The following AGBL1 variants were observed in gnomAD, a reference collection of about 807,000 sequenced individuals.
The protein encoded by AGBL1 is cytosolic carboxypeptidase 4.
Under a neutral mutation model 118.9 loss-of-function variants are expected in AGBL1, and 130 were observed. The observed-to-expected ratio is 1.09, with a 90% CI of 0.95 to 1.26. AGBL1 has a LOEUF of 1.26. Ranked by LOEUF, AGBL1 falls within the 50% of genes most tolerant of loss-of-function variation. The probability of loss-of-function intolerance (pLI) is 0.00; values close to 1 mark genes in which losing one functional copy is unlikely to be tolerated. For synonymous variants in AGBL1, 555 were observed against 478.9 expected (o/e 1.16, Z -2.08); for missense variants, 1,584 against 1,298.1 (o/e 1.22, Z -3.38).
rs540022257 is a variant in AGBL1 at position 86,460,701 on chromosome 15, A to G, written c.2556-62109A>G. ...AGTCAGAGATACTCTGCCAAGGCAAAGAAGATGAAGCTGGCAGAATTAATT... is the reference window on the plus strand; with the variant it reads ...AGTCAGAGATACTCTGCCAAGGCAAGGAAGATGAAGCTGGCAGAATTAATT... On this transcript the variant is annotated intron_variant, in intron 18 of 22. Coordinates refer to ENST00000614907, the MANE Select transcript of AGBL1 (RefSeq NM_001386094.1). Among the ~76,000 whole-genome samples, 39 of 152,302 alleles carry G rather than the reference A, an allele frequency of 2.6e-4. 1 individual carries two copies. The highest frequency in any genetic ancestry group is 2.1e-3 in the East Asian group (11 of 5,174).
intron 18 of AGBL1, among the ~76,000 whole-genome samples, chr15:86,465,093 A>G (rs2082386344): frequency 6.6e-6 from 1 of 152,022 alleles, no homozygotes; most frequent in African/African-American, 2.4e-5. Flanking sequence ...GAACGGAGGG[A>G]CCAGCTGAAG....
At chr15:86,824,846 T>A (rs1276672689) in intron 22 of AGBL1, among the ~76,000 whole-genome samples, 1 of 151,882 alleles carries the variant, frequency 6.6e-6, no homozygotes, top group African/African-American at 2.4e-5. Flanking sequence ...TCACTTGAGG[T>A]CAGGAGTTCA....
At chr15:86,419,564 G>GT (rs530557383) in intron 18 of AGBL1, among the ~76,000 whole-genome samples, 8,009 of 146,078 alleles carry the variant, frequency 0.055, 286 homozygotes, top group East Asian at 0.15. Context: ...AGCTGCAGGA[G>GT]TTTTTTTTTT....
Position 86,591,189 on chromosome 15 carries a change from C to A in AGBL1, c.2994+36652C>A, listed in dbSNP as rs138458269. 4.4e-3 allele frequency among the ~76,000 whole-genome samples: 665 copies of A among 152,148 alleles called. 13 individuals carry two copies. The highest frequency in any genetic ancestry group is 6.4e-3 in the South Asian group (31 of 4,814). ...ATTTTATGCATCTTTGGTAAGTGTA[C>A]CTCTGAGGAGAAAAAATACAAACTC... On this transcript the variant is annotated intron_variant, in intron 21 of 22. Coordinates refer to ENST00000614907, the MANE Select transcript of AGBL1 (RefSeq NM_001386094.1).
chr15:86,720,476 T>C (rs2086700957), intron 22 of AGBL1, among the ~76,000 whole-genome samples: 1 of 152,182 alleles, frequency 6.6e-6, no homozygotes, highest in Non-Finnish European at 1.5e-5. Flanking sequence ...CCATAGAACA[T>C]GTAGGGCCAC....
intron 22 of AGBL1, among the ~76,000 whole-genome samples, chr15:86,723,436 C>A (rs1406507536): frequency 1.6e-4 from 25 of 152,086 alleles, no homozygotes; most frequent in Admixed American, 1.2e-3. Flanking sequence ...GTTCTCACTC[C>A]TAGGTGGGAA....
At chr15:86,439,370 A>G (rs1358409112) in intron 18 of AGBL1, among the ~76,000 whole-genome samples, 2 of 152,136 alleles carry the variant, frequency 1.3e-5, no homozygotes, top group African/African-American at 2.4e-5. Flanking sequence ...TAGAGATGAC[A>G]TCTCGTTCAG....
intron 23 of AGBL1, among the ~76,000 whole-genome samples, chr15:86,946,912 A>ATGG (rs568433610): frequency 1.3e-5 from 2 of 151,314 alleles, no homozygotes; most frequent in Non-Finnish European, 2.9e-5. Flanking sequence ...GAGATGGGAG[A>ATGG]TGGGAATTGA....
intron 22 of AGBL1, among the ~76,000 whole-genome samples, chr15:86,723,266 CAAT>C (rs2086760150): frequency 1.3e-5 from 2 of 152,130 alleles, no homozygotes; most frequent in Non-Finnish European, 2.9e-5. Flanking sequence ...AATGTCCCAA[CAAT>C]GATAGACTGG....
intron 17 of AGBL1, among the ~76,000 whole-genome samples, chr15:86,393,687 AT>A (rs201429793): frequency 5.9e-5 from 9 of 151,614 alleles, no homozygotes; most frequent in African/African-American, 1.9e-4. Context: ...TCTTTCCAAC[AT>A]TTTTTTTTAG....
rs57223145 is a variant in AGBL1 at position 87,019,009 on chromosome 15, TA to T, written c.3324-9807del. On this transcript the variant is annotated intron_variant, in intron 24 of 24. Coordinates refer to the AGBL1 transcript ENST00000441037. Reference sequence around the variant, plus strand: ...AAAAGAGACTTTAAACCAACAAAGATAAAAAAAAAGACAAAGAAGGGCATTA... The same window carrying T: ...AAAAGAGACTTTAAACCAACAAAGATAAAAAAAAGACAAAGAAGGGCATTA... Among the ~76,000 whole-genome samples the T allele has an allele frequency of 2.1e-3, 320 of 150,210 alleles. 2 individuals carry two copies. Among genetic ancestry groups the T allele is most frequent in the Non-Finnish European group, 4.0e-3 (271 of 67,362 alleles).
chr15:86,274,478 G>A (rs938999613), intron 15 of AGBL1, among the ~76,000 whole-genome samples: 2 of 152,078 alleles, frequency 1.3e-5, no homozygotes, highest in Non-Finnish European at 2.9e-5. Context: ...TAGTTTGTGA[G>A]GTTTAGTTTA....
intron 1 of AGBL1, among the ~76,000 whole-genome samples, chr15:86,133,575 G>A (rs1240892440): frequency 1.3e-5 from 2 of 152,162 alleles, no homozygotes; most frequent in African/African-American, 2.4e-5. Flanking sequence ...GCAGTTCCTG[G>A]TACATAGCAA....
chr15:86,732,123 C>T (rs933223103), intron 22 of AGBL1, among the ~76,000 whole-genome samples: 15 of 152,156 alleles, frequency 9.9e-5, no homozygotes, highest in African/African-American at 2.9e-4. Flanking sequence ...CAAGAATTTG[C>T]GGACAGTAAA....
At chr15:86,122,822 A>G (rs1289054034) in intron 1 of AGBL1, among the ~76,000 whole-genome samples, 1 of 152,136 alleles carries the variant, frequency 6.6e-6, no homozygotes, top group African/African-American at 2.4e-5. Flanking sequence ...GGAGTTGAAC[A>G]TGTCTCATTA....
chr15:86,084,638 C>T (rs576456084), intron 1 of AGBL1, among the ~76,000 whole-genome samples: 2 of 152,284 alleles, frequency 1.3e-5, no homozygotes, highest in South Asian at 2.1e-4. Context: ...TCTGACTAAA[C>T]CTGAAGGTTG....
intron 17 of AGBL1, among the ~76,000 whole-genome samples, chr15:86,396,573 A>C (rs1025537897): frequency 6.6e-6 from 1 of 152,122 alleles, no homozygotes; most frequent in Non-Finnish European, 1.5e-5. Context: ...TCAGGGTCTT[A>C]CAGTCATGGA....
At chr15:86,776,013 G>A (rs575956808) in intron 22 of AGBL1, among the ~76,000 whole-genome samples, 1 of 152,160 alleles carries the variant, frequency 6.6e-6, no homozygotes, top group East Asian at 1.9e-4. Flanking sequence ...ACAACACATA[G>A]TTTCTTTAGC....
chr15:86,917,396 CA>C (rs1277308777), downstream of AGBL1, among the ~76,000 whole-genome samples: 2 of 152,152 alleles, frequency 1.3e-5, no homozygotes, highest in African/African-American at 4.8e-5. The surrounding 1 kb of genome is among the most constrained non-coding windows in gnomAD (Gnocchi z 4.8). Flanking sequence ...CTCAGGATTT[CA>C]ATCAAAATGA....
Sources: gnomAD v4.1 joint callset for allele counts (sites outside exome capture counted in the v4.1 genomes callset) on GRCh38, gnomAD v4.1.1 for gene constraint, Gnocchi (gnomAD v3.1) non-coding constraint, MANE v1.5 for transcripts, NCBI Gene and HGNC (gene_info 2026-07-23, HGNC 2026-07-21) for gene names.